STX8: variants seen among roughly 807,000 people sequenced by gnomAD.
STX8 encodes the protein syntaxin 8.
A neutral mutation model predicts 37.5 loss-of-function variants in STX8; 23 were observed. That is an observed-to-expected ratio of 0.61 (90% CI 0.44 to 0.87). The LOEUF (loss-of-function observed/expected upper bound fraction) is 0.87, where lower values mean the gene tolerates loss of function less well. STX8 is among the 40% of genes least tolerant of loss of function. The pLI, the probability that STX8 is intolerant of heterozygous loss-of-function variation, is 0.00. For synonymous variants in STX8, 115 were observed against 99.1 expected, an observed-to-expected ratio of 1.16 and a Z score of -0.95; for missense variants, 313 against 284.7, an observed-to-expected ratio of 1.10 and a Z score of -0.71.
intron 4 of STX8, among the ~76,000 whole-genome samples, chr17:9,524,813 GTTTTT>G (rs11403311): frequency 6.9e-6 from 1 of 145,180 alleles, no homozygotes; most frequent in African/African-American, 2.5e-5. Context: ...GTCTCACTCT[GTTTTT>G]TTTTTTTGAG....
chr17:9,449,609 C>T (rs1433212174), intron 6 of STX8, among the ~76,000 whole-genome samples: 1 of 152,004 alleles, frequency 6.6e-6, no homozygotes, highest in Non-Finnish European at 1.5e-5. Context: ...AGACAATAAG[C>T]TATTCCACCA....
At chr17:9,362,011 T>G (rs17741583) in intron 7 of STX8, among the ~76,000 whole-genome samples, 48,157 of 152,074 alleles carry the variant, frequency 0.32, 8,754 homozygotes, top group Non-Finnish European at 0.42. Context: ...TTCAAAAAAT[T>G]TAAAGTGTCT....
At chr17:9,425,520 C>T (rs551949969) in intron 6 of STX8, among the ~76,000 whole-genome samples, 3 of 152,256 alleles carry the variant, frequency 2.0e-5, no homozygotes, top group Admixed American at 6.5e-5. Context: ...TAATGATAAT[C>T]GCTACCAGCT....
rs534304332 is a variant in STX8, at chr17:9,341,841, G to A, written c.643+36711C>T. ...TGAGAAGCAGAAATGGACAAGCTAG[G>A]TTTGGGGGAGAAGAAATAACTGGTT... On this transcript the variant is annotated intron_variant, in intron 7 of 7. Transcript: ENST00000306357. Among the ~76,000 whole-genome samples the A allele has an allele frequency of 5.9e-5, 9 of 152,300 alleles. No individual in the cohort carries two copies. In the South Asian group the frequency reaches 1.9e-3, roughly 32 times the overall value.
intron 7 of STX8, among the ~76,000 whole-genome samples, chr17:9,312,643 G>T (rs1283496235): frequency 6.6e-6 from 1 of 152,204 alleles, no homozygotes; most frequent in Non-Finnish European, 1.5e-5. Context: ...GGACTGATTT[G>T]TTAGGAGAGC....
intron 7 of STX8, among the ~76,000 whole-genome samples, chr17:9,254,807 G>A (rs1306697655): frequency 6.6e-6 from 1 of 152,156 alleles, no homozygotes; most frequent in Admixed American, 6.5e-5. Flanking sequence ...ACCTAGAACA[G>A]AGCCTGGCAC....
At position 9,250,720 on chromosome 17, in the gene STX8, A is replaced by G. The variant is rs1170626645; in HGVS notation, c.644-75T>C. The G allele has an allele frequency of 4.9e-6, 7 of 1,419,070 alleles. 1 individual carries two copies. The South Asian group carries it at 7.4e-5, about 15-fold the overall frequency. The allele number at this position is 1,419,070 out of a possible 1,614,324, so 87.9% of individuals were successfully genotyped here. A position where few individuals can be genotyped will look rare whatever the true frequency, so the allele number is the denominator to read the frequency against. On this transcript the variant is annotated intron_variant, in intron 7 of 7. Transcript: ENST00000306357. ...AGCATCACACATTCTGAGTGTCTGCAGAGACTCAGAGGGATGTAGTTCCCT... is the reference window on the plus strand; with the variant it reads ...AGCATCACACATTCTGAGTGTCTGCGGAGACTCAGAGGGATGTAGTTCCCT...
chr17:9,287,310 A>G (rs1472572103), intron 7 of STX8, among the ~76,000 whole-genome samples: 2 of 152,176 alleles, frequency 1.3e-5, no homozygotes, highest in Non-Finnish European at 2.9e-5. Flanking sequence ...TATGAGGGCC[A>G]GATGCACCCC....
chr17:9,555,571 G>A (rs1906932101), intron 3 of STX8: 1 of 152,126 alleles, frequency 6.6e-6, no homozygotes, highest in African/African-American at 2.4e-5. Context: ...GAAAGCAGAG[G>A]AAACAGTCCT....
intron 7 of STX8, among the ~76,000 whole-genome samples, chr17:9,295,439 T>C (rs908240373): frequency 6.6e-6 from 1 of 152,204 alleles, no homozygotes; most frequent in Non-Finnish European, 1.5e-5. Context: ...AAATCTAGGA[T>C]ATTATCTTGA....
intron 7 of STX8, among the ~76,000 whole-genome samples, chr17:9,270,728 G>A (rs35880517): frequency 0.094 from 14,323 of 152,254 alleles, 700 homozygotes; most frequent in East Asian, 0.16. Flanking sequence ...TCAAGGAGTA[G>A]TGGTTTTAAA....
intron 7 of STX8, among the ~76,000 whole-genome samples, chr17:9,252,928 AT>A (rs755443964): frequency 0.042 from 4,656 of 109,916 alleles, 109 homozygotes; most frequent in Non-Finnish European, 0.069. Flanking sequence ...AAAGGAGGAG[AT>A]GTGACACCGT....
intron 6 of STX8, among the ~76,000 whole-genome samples, chr17:9,476,853 CTTT>C (rs916959843): frequency 4.6e-5 from 7 of 151,316 alleles, no homozygotes; most frequent in South Asian, 2.1e-4. Context: ...GCCTCTTTTT[CTTT>C]TTTTTGTGAG....
chr17:9,429,950 A>C (rs868724166), intron 6 of STX8, among the ~76,000 whole-genome samples: 178 of 5,832 alleles, frequency 0.031, 31 homozygotes, highest in African/African-American at 0.064. Flanking sequence ...AGAATATATT[A>C]TATATAATAT....
intron 5 of STX8, among the ~76,000 whole-genome samples, chr17:9,495,461 A>G (rs1904349335): frequency 6.6e-6 from 1 of 152,174 alleles, no homozygotes; most frequent in South Asian, 2.1e-4. Flanking sequence ...AGGAAAGGCA[A>G]TTCCTCCACA....
intron 7 of STX8, among the ~76,000 whole-genome samples, chr17:9,276,004 T>A (rs1907662805): frequency 6.6e-6 from 1 of 152,172 alleles, no homozygotes; most frequent in Non-Finnish European, 1.5e-5. Flanking sequence ...TTTCCAGTCA[T>A]GCTTCATGGT....
At chr17:9,510,845 T>C (rs775975836) in intron 4 of STX8, among the ~76,000 whole-genome samples, 11 of 151,792 alleles carry the variant, frequency 7.2e-5, no homozygotes, top group Non-Finnish European at 1.2e-4. Context: ...TGTGTAAAGA[T>C]AAAATTGAGA....
At chr17:9,315,026 C>T (rs537008103) in intron 7 of STX8, among the ~76,000 whole-genome samples, 4 of 149,404 alleles carry the variant, frequency 2.7e-5, no homozygotes, top group East Asian at 4.1e-4. Flanking sequence ...CGCTTGAATC[C>T]GGGAGGTGGA....
intron 6 of STX8, among the ~76,000 whole-genome samples, chr17:9,469,435 C>A (rs1235073819): frequency 6.6e-6 from 1 of 151,976 alleles, no homozygotes; most frequent in Non-Finnish European, 1.5e-5. Flanking sequence ...CCATAGAAAA[C>A]TGAGGCCTGA....
Sources: allele counts gnomAD v4.1 joint callset (sites outside exome capture counted in the v4.1 genomes callset), GRCh38; gene constraint gnomAD v4.1.1; transcripts MANE v1.5; gene names NCBI Gene and HGNC (gene_info 2026-07-23, HGNC 2026-07-21).